LIPK: variants seen among roughly 807,000 people sequenced by gnomAD.
LIPK encodes the protein lipase family member K.
A neutral mutation model predicts 48.6 loss-of-function variants in LIPK; 32 were observed. The ratio of observed to expected loss-of-function variants is 0.66; its 90% confidence interval spans 0.50 to 0.88. LIPK has a LOEUF of 0.88. Among genes scored for constraint, LIPK ranks in the 40% least tolerant of loss-of-function variants. The pLI, the probability that LIPK is intolerant of heterozygous loss-of-function variation, is 0.00. For synonymous variants in LIPK, 164 were observed against 157.4 expected, an observed-to-expected ratio of 1.04 and a Z score of -0.32; for missense variants, 507 against 478.5, an observed-to-expected ratio of 1.06 and a Z score of -0.56.
chr10:88,731,532 C>G (rs1038024869), intron 4 of LIPK, among the ~76,000 whole-genome samples: 2 of 152,344 alleles, frequency 1.3e-5, no homozygotes, highest in South Asian at 4.1e-4. Context: ...GCCACGCCTA[C>G]CCGGTCACAG....
At chr10:88,725,285 T>C (rs1243415878) in intron 2 of LIPK, among the ~76,000 whole-genome samples, 3 of 152,230 alleles carry the variant, frequency 2.0e-5, no homozygotes, top group African/African-American at 7.2e-5. Flanking sequence ...CTCTCCAAAG[T>C]ATCCAGCAAG....
intron 1 of LIPK, among the ~76,000 whole-genome samples, chr10:88,715,984 G>A (rs535396850): frequency 1.3e-5 from 2 of 152,028 alleles, no homozygotes; most frequent in African/African-American, 4.8e-5. Context: ...GAGAGAACTA[G>A]TCTTGTATGA....
rs1357137536 is a variant in LIPK, at chr10:88,732,207, C to T, written c.452C>T (p.Pro151Leu). ...GATGAGATGGCTAAATATGACCTTC[C>T]AGCCACAATCAATTTTATCATAGAG... ...SLDEMAKYDL[P>L]ATINFIIEKT... is the part of the protein sequence containing the mutation. The change falls in exon 5 of 10, where the codon CCA (proline) becomes CTA (leucine). Residue 151 changes from proline to leucine, a missense_variant. Transcript: ENST00000404190. 6.2e-7 allele frequency: 1 copy of T among 1,611,616 alleles called. No homozygotes were observed. Among genetic ancestry groups the T allele is most frequent in the Middle Eastern group, 1.7e-4 (1 of 6,058 alleles).
At chr10:88,750,997 AT>A (rs1842853779) in intron 9 of LIPK, among the ~76,000 whole-genome samples, 1 of 152,200 alleles carries the variant, frequency 6.6e-6, no homozygotes, top group South Asian at 2.1e-4. Flanking sequence ...AGACTGCCTA[AT>A]AGTTCTTTAG....
chr10:88,722,208 T>C (rs1294272284), intron 1 of LIPK, among the ~76,000 whole-genome samples: 2 of 151,908 alleles, frequency 1.3e-5, no homozygotes, highest in African/African-American at 4.8e-5. Context: ...GGCAAGAGAA[T>C]CCCTTGAACC....
chr10:88,723,858 G>T (rs1842281580), intron 1 of LIPK, among the ~76,000 whole-genome samples: 1 of 151,820 alleles, frequency 6.6e-6, no homozygotes, highest in African/African-American at 2.4e-5. Flanking sequence ...TACGTATTAT[G>T]TAGTAGGAAT....
At chr10:88,725,455 T>C (rs761390869) in intron 2 of LIPK, among the ~76,000 whole-genome samples, 3 of 152,218 alleles carry the variant, frequency 2.0e-5, no homozygotes, top group Non-Finnish European at 2.9e-5. Context: ...ATCCTCACAA[T>C]GTCACAGTCT....
chr10:88,729,262 G>GGT (rs1842417089), intron 3 of LIPK, among the ~76,000 whole-genome samples: 1 of 132,828 alleles, frequency 7.5e-6, no homozygotes, highest in African/African-American at 2.6e-5. Context: ...TGGGGGGGGG[G>GGT]GGCGGGGGAA....
chr10:88,712,592 T>G (rs950556377), intron 1 of LIPK, among the ~76,000 whole-genome samples: 5 of 152,122 alleles, frequency 3.3e-5, no homozygotes, highest in Non-Finnish European at 5.9e-5. Context: ...CAGATAATGT[T>G]TTTTTTTATT....
At chr10:88,728,669 G>T in intron 3 of LIPK, 1 of 475,666 alleles carries the variant, frequency 2.1e-6, no homozygotes, top group South Asian at 1.6e-5. Flanking sequence ...AGGAGAGCCC[G>T]CTGGAGTCTG....
intron 1 of LIPK, among the ~76,000 whole-genome samples, chr10:88,719,751 A>T (rs1280410857): frequency 1.3e-5 from 2 of 152,166 alleles, no homozygotes; most frequent in Non-Finnish European, 2.9e-5. Context: ...ATGCTCTCCA[A>T]GCATTGCCAT....
chr10:88,707,503 C>T (rs532426183), intron 1 of LIPK, among the ~76,000 whole-genome samples: 1 of 152,094 alleles, frequency 6.6e-6, no homozygotes, highest in Non-Finnish European at 1.5e-5. Flanking sequence ...TTCATATTAT[C>T]GAAGACATGT....
At chr10:88,734,548 A>G (rs1328221979) in intron 6 of LIPK, among the ~76,000 whole-genome samples, 2 of 152,192 alleles carry the variant, frequency 1.3e-5, no homozygotes, top group Non-Finnish European at 2.9e-5. Context: ...GCACAGGGGA[A>G]TGACACGCAT....
At chr10:88,748,061 G>A (rs1351809941) in intron 9 of LIPK, among the ~76,000 whole-genome samples, 1 of 152,156 alleles carries the variant, frequency 6.6e-6, no homozygotes, top group Admixed American at 6.5e-5. Flanking sequence ...TATGCACCAT[G>A]GAATACTATG....
At chr10:88,713,274 A>G (rs893225963) in intron 1 of LIPK, among the ~76,000 whole-genome samples, 4 of 152,242 alleles carry the variant, frequency 2.6e-5, no homozygotes, top group Non-Finnish European at 2.9e-5. Flanking sequence ...AGTTGTTTGT[A>G]ACTTAATTCT....
At chr10:88,711,706 C>T (rs990365382) in intron 1 of LIPK, among the ~76,000 whole-genome samples, 1 of 152,206 alleles carries the variant, frequency 6.6e-6, no homozygotes, top group African/African-American at 2.4e-5. Flanking sequence ...AGCTCCTGGC[C>T]TCAAGTGATC....
At chr10:88,750,438 G>A (rs527706847) in intron 9 of LIPK, among the ~76,000 whole-genome samples, 6 of 152,170 alleles carry the variant, frequency 3.9e-5, no homozygotes, top group South Asian at 2.1e-4. Flanking sequence ...AGAAAATGTG[G>A]TACATATACA....
intron 3 of LIPK, among the ~76,000 whole-genome samples, chr10:88,730,149 G>T (rs886827335): frequency 6.6e-6 from 1 of 151,956 alleles, no homozygotes; most frequent in Non-Finnish European, 1.5e-5. Flanking sequence ...TTCAACAAAT[G>T]GCATTTTAAT....
At chr10:88,739,045 CTT>C (rs1842629129) in intron 7 of LIPK, among the ~76,000 whole-genome samples, 1 of 152,150 alleles carries the variant, frequency 6.6e-6, no homozygotes, top group Non-Finnish European at 1.5e-5. Flanking sequence ...GAAAATAACT[CTT>C]TTAATTTAAA....
Sources: allele counts gnomAD v4.1 joint callset (sites outside exome capture counted in the v4.1 genomes callset), GRCh38; gene constraint gnomAD v4.1.1; transcripts MANE v1.5; gene names NCBI Gene and HGNC (gene_info 2026-07-23, HGNC 2026-07-21).